Variants in STK17B observed in about 807,000 individuals in gnomAD.
STK17B encodes serine/threonine kinase 17b.
A neutral mutation model predicts 42.0 loss-of-function variants in STK17B; 21 were observed. The observed-to-expected ratio is 0.50, with a 90% CI of 0.35 to 0.72. The LOEUF (loss-of-function observed/expected upper bound fraction) is 0.72. Among genes scored for constraint, STK17B ranks in the 30% least tolerant of loss-of-function variants. STK17B has a pLI of 0.00. For synonymous variants in STK17B, 143 were observed against 148.4 expected (o/e 0.96, Z 0.26); for missense variants, 349 against 446.0 (o/e 0.78, Z 1.96).
intron 1 of STK17B, among the ~76,000 whole-genome samples, chr2:196,164,098 G>A (rs986856480): frequency 2.0e-5 from 3 of 149,890 alleles, no homozygotes; most frequent in Non-Finnish European, 3.0e-5. Flanking sequence ...CACATAATAG[G>A]TAATTTAATA....
chr2:196,156,354 T>C, intron 3 of STK17B, 85 bp downstream of exon 3: 1 of 1,132,296 alleles, frequency 8.8e-7, no homozygotes, highest in Non-Finnish European at 1.2e-6. Flanking sequence ...TACAAGTTCT[T>C]GTCACACCTT....
intron 6 of STK17B, among the ~76,000 whole-genome samples, chr2:196,140,307 T>TTATTTAGCCATACCA (rs1295088967): frequency 6.6e-6 from 1 of 152,224 alleles, no homozygotes; most frequent in Admixed American, 6.5e-5. Flanking sequence ...TTTCACCAAC[T>TTATTTAGCCATACCA]TATTTAGCCA....
In STK17B at chr2:196,134,181, T is replaced by C. The variant is rs899052234; in HGVS notation, c.*3266A>G. ...TACATCACTAATCATACTGGCTCAG[T>C]TGACTTTTTTTAAATAACAAGACTT... is the stretch of plus-strand genomic sequence containing the variant. On this transcript the variant is annotated 3_prime_UTR_variant, in exon 8 of 8. Coordinates refer to ENST00000263955, the MANE Select transcript of STK17B (RefSeq NM_004226.4). The C allele has an allele frequency of 3.3e-5, 5 of 152,312 alleles. 1 individual carries two copies. Among genetic ancestry groups the C allele is most frequent in the South Asian group, 4.1e-4 (2 of 4,826 alleles). 9.4% of individuals were successfully genotyped at this position (152,312 alleles called of 1,614,324 possible).
At chr2:196,152,886 T>C (rs1222832300) in intron 3 of STK17B, among the ~76,000 whole-genome samples, 1 of 152,180 alleles carries the variant, frequency 6.6e-6, no homozygotes, top group African/African-American at 2.4e-5. Flanking sequence ...AGCAAGATTT[T>C]GCAGTACAGG....
upstream of STK17B, chr2:196,171,719 G>T: frequency 6.6e-6 from 1 of 151,308 alleles, no homozygotes; most frequent in South Asian, 1.8e-4. Context: ...GCGTGTGCGG[G>T]GCGGGGCCCG....
chr2:196,147,107 T>A (rs1040975804), intron 3 of STK17B, among the ~76,000 whole-genome samples: 2 of 152,162 alleles, frequency 1.3e-5, no homozygotes, highest in South Asian at 2.1e-4. Flanking sequence ...CAGATTTTTT[T>A]AGGAGGGATT....
At chr2:196,170,388 A>G (rs1449039793) in intron 1 of STK17B, among the ~76,000 whole-genome samples, 1 of 152,178 alleles carries the variant, frequency 6.6e-6, no homozygotes, top group Admixed American at 6.5e-5. Flanking sequence ...CGACAAAACA[A>G]TCGGTGAATG....
chr2:196,133,790 A>G lies in STK17B; in HGVS notation c.*3657T>C, dbSNP rs981441358. Reference sequence around the variant, plus strand: ...TTTTTTTACTGGAATACTCATAATAATGTCTGTCTATATGCCTTAAGCAAG... The same window carrying G: ...TTTTTTTACTGGAATACTCATAATAGTGTCTGTCTATATGCCTTAAGCAAG... On this transcript the variant is annotated 3_prime_UTR_variant, in exon 8 of 8. Coordinates refer to ENST00000263955, the MANE Select transcript of STK17B (RefSeq NM_004226.4). 6.6e-6 allele frequency: 1 copy of G among 152,196 alleles called. No individual in the cohort carries two copies. The highest frequency in any genetic ancestry group is 1.5e-5 in the Non-Finnish European group (1 of 68,030). 9.4% of individuals were successfully genotyped at this position (152,196 alleles called of 1,614,324 possible).
At chr2:196,174,130 C>G (rs1422037612), upstream of STK17B, 1 of 152,114 alleles carries the variant, frequency 6.6e-6, no homozygotes, top group East Asian at 1.9e-4. Flanking sequence ...TTAAGCTGTC[C>G]GCTCTGTGGT....
chr2:196,172,149 C>T (rs1432856486), upstream of STK17B, among the ~76,000 whole-genome samples: 3 of 152,220 alleles, frequency 2.0e-5, no homozygotes, highest in Non-Finnish European at 2.9e-5. Context: ...ACCTAGACCC[C>T]ACTGCTAACG....
intron 1 of STK17B, among the ~76,000 whole-genome samples, chr2:196,169,076 T>TC (rs1699905700): frequency 7.8e-5 from 2 of 25,548 alleles, no homozygotes; most frequent in East Asian, 3.0e-3. Flanking sequence ...CTATTTTTTT[T>TC]TTTTTTTTTT....
chr2:196,157,592 A>G (rs1444405097), intron 2 of STK17B, among the ~76,000 whole-genome samples: 1 of 152,234 alleles, frequency 6.6e-6, no homozygotes, highest in African/African-American at 2.4e-5. Context: ...TAACTAAGGT[A>G]TATGTGTCCT....
chr2:196,156,299 T>C, intron 3 of STK17B, 140 bp downstream of exon 3: 1 of 727,746 alleles, frequency 1.4e-6, no homozygotes, highest in Non-Finnish European at 2.2e-6. Context: ...TGAAAATATC[T>C]GAATATAAAT....
chr2:196,143,115 TG>T (rs1371717812), intron 5 of STK17B, among the ~76,000 whole-genome samples: 1 of 152,210 alleles, frequency 6.6e-6, no homozygotes, highest in Non-Finnish European at 1.5e-5. Context: ...TAACAATTCC[TG>T]TAAGTTTAAA....
At chr2:196,172,118 C>T (rs1018607416), upstream of STK17B, among the ~76,000 whole-genome samples, 4 of 152,222 alleles carry the variant, frequency 2.6e-5, no homozygotes, top group African/African-American at 9.6e-5. Context: ...GGAGTGTCAA[C>T]ATCAGTTGGG....
Position 196,163,335 on chromosome 2 carries a change from T to C in STK17B, c.49A>G (p.Thr17Ala), listed in dbSNP as rs767393117. ...ATTTTTATTGGAATTTGAGGAGTTGTAGTTAGTAGGCCTGAAATACTTCGG... is the reference window on the plus strand; with the variant it reads ...ATTTTTATTGGAATTTGAGGAGTTGCAGTTAGTAGGCCTGAAATACTTCGG... ...DCRSISGLLTTTPQIPIKMEN... is the reference protein window; with the variant it reads ...DCRSISGLLTATPQIPIKMEN... The change falls in exon 2 of 8, where the codon ACA (threonine) becomes GCA (alanine). Residue 17 changes from threonine (T) to alanine (A), a missense_variant. Thr to Ala is a moderately conservative substitution (Grantham distance 58). Transcript: ENST00000263955. 4.4e-6 allele frequency: 7 copies of C among 1,606,454 alleles called. No individual in the cohort carries two copies. The highest frequency in any genetic ancestry group is 1.3e-5 in the African/African-American group (1 of 74,462).
rs74778541 is a variant in STK17B at position 196,169,505 on chromosome 2, A to C, written c.-45+1828T>G. On this transcript the variant is annotated intron_variant, in intron 1 of 7. Transcript: ENST00000263955. ...TTGACTTCTTGTGTCTCTAAAATTA[A>C]AGCAAAAATATTTTCATAAGGAAAT... Among the ~76,000 whole-genome samples, 168 of 152,366 alleles carry C rather than the reference A, an allele frequency of 1.1e-3. 1 individual carries two copies. In the East Asian group the frequency reaches 0.029, roughly 26 times the overall value.
chr2:196,136,060 C>G lies in STK17B; in HGVS notation c.*1387G>C, dbSNP rs573479352. ...TATTATTAAAGAATTTGGAAACTTACCAAAATTTTGAGAAGTTAAAGGTCT... is the reference window on the plus strand; with the variant it reads ...TATTATTAAAGAATTTGGAAACTTAGCAAAATTTTGAGAAGTTAAAGGTCT... On this transcript the variant is annotated 3_prime_UTR_variant, in exon 8 of 8. Coordinates refer to ENST00000263955, the MANE Select transcript of STK17B (RefSeq NM_004226.4). 1 of 152,000 alleles carries G rather than the reference C, an allele frequency of 6.6e-6. No homozygotes were observed. The highest frequency in any genetic ancestry group is 1.5e-5 in the Non-Finnish European group (1 of 68,016). 9.4% of individuals were successfully genotyped at this position (152,000 alleles called of 1,614,324 possible). A position where few individuals can be genotyped will look rare whatever the true frequency, so the allele number is the denominator to read the frequency against.
At chr2:196,166,525 T>C (rs1256537141) in intron 1 of STK17B, among the ~76,000 whole-genome samples, 1 of 152,236 alleles carries the variant, frequency 6.6e-6, no homozygotes, top group Non-Finnish European at 1.5e-5. Context: ...TAAATTTATA[T>C]GCATGTGTAT....
Sources: gnomAD v4.1 joint callset for allele counts (sites outside exome capture counted in the v4.1 genomes callset) on GRCh38, gnomAD v4.1.1 for gene constraint, MANE v1.5 for transcripts, NCBI Gene and HGNC (gene_info 2026-07-23, HGNC 2026-07-21) for gene names.